Variants in IDE observed in about 807,000 individuals in gnomAD.
IDE encodes insulin degrading enzyme, also known as insulin-degrading enzyme.
A neutral mutation model predicts 133.2 loss-of-function variants in IDE; 58 were observed. The ratio of observed to expected loss-of-function variants is 0.44; its 90% CI spans 0.35 to 0.54. The LOEUF (loss-of-function observed/expected upper bound fraction) is 0.54, where lower values mean the gene tolerates loss of function less well. IDE is among the 20% of genes least tolerant of loss of function. The pLI is 0.00. For synonymous variants in IDE, 396 were observed against 421.3 expected (o/e 0.94, Z 0.73); for missense variants, 981 against 1,234.0 (o/e 0.79, Z 3.07).
At chr10:92,563,079 C>T (rs1843353484) in intron 1 of IDE, among the ~76,000 whole-genome samples, 1 of 152,114 alleles carries the variant, frequency 6.6e-6, no homozygotes, top group African/African-American at 2.4e-5. Context: ...GGTGAAACCA[C>T]GTCTCTACTA....
intron 9 of IDE, among the ~76,000 whole-genome samples, chr10:92,507,214 T>C (rs975752185): frequency 3.3e-5 from 5 of 152,096 alleles, no homozygotes; most frequent in Admixed American, 6.5e-5. Context: ...TTGCTACAGA[T>C]TTAAAGATCT....
In IDE at chr10:92,573,954, G is replaced by T. The variant is rs1323691568; in HGVS notation, c.66C>A (p.Gly22=). The change falls in exon 1 of 25, where the codon GGC becomes GGA. Residue 22 remains glycine, a synonymous_variant. Transcript: ENST00000265986. Reference sequence around the variant, plus strand: ...GGCGCTCCGGAGGCGGCAGGCGGGCGCCGAGGACTGAGCGGAAGGTGCTGG... The same window carrying T: ...GGCGCTCCGGAGGCGGCAGGCGGGCTCCGAGGACTGAGCGGAAGGTGCTGG... ...ALPSTFRSVL[G]ARLPPPERLC... The T allele has an allele frequency of 3.4e-6, 5 of 1,482,248 alleles. No individual in the cohort carries two copies. The South Asian group carries it at 6.6e-5, about 20-fold the overall frequency. 91.8% of individuals were successfully genotyped at this position (1,482,248 alleles called of 1,614,324 possible). A position where few individuals can be genotyped will look rare whatever the true frequency, so the allele number is the denominator to read the frequency against.
Position 92,465,795 on chromosome 10 carries a change from C to G in IDE, c.2369G>C (p.Gly790Ala). The change falls in exon 20 of 25, where the codon GGC (glycine) becomes GCC (alanine). Residue 790 changes from glycine (G) to alanine (A), a missense_variant. Around this residue, in one of 2 missense-constraint regions of IDE, gnomAD observed 660 missense variants for 894.7 expected, o/e 0.74. Coordinates refer to ENST00000265986, the MANE Select transcript of IDE (RefSeq NM_004969.4). ...QQRNEVHNNC[G>A]IEIYYQTDMQ... is the part of the protein sequence containing the mutation. ...GTCTGTTTGGTAGTATATCTCGATG[C>G]CACAGTTATTGTGAACTTCATTTCT... is the stretch of plus-strand genomic sequence containing the variant. The G allele has an allele frequency of 2.5e-6, 4 of 1,613,936 alleles. No individual in the cohort carries two copies. The highest frequency in any genetic ancestry group is 3.4e-6 in the Non-Finnish European group (4 of 1,179,874).
rs763346861 is a variant in IDE, at chr10:92,531,937, T to G, written c.492-20A>C. The G allele has an allele frequency of 1.4e-6, 2 of 1,459,780 alleles. No homozygotes were observed. The highest frequency in any genetic ancestry group is 3.1e-5 in the South Asian group (2 of 65,302). 90.4% of individuals were successfully genotyped at this position (1,459,780 alleles called of 1,614,324 possible). On this transcript the variant is annotated intron_variant, in intron 3 of 24. Transcript: ENST00000265986. ...GCAAACCTAAGGGTACGAAACATAA[T>G]TAAAACTTGAAAGATGTCATTTTAA...
chr10:92,528,136 A>G (rs1231668889), intron 4 of IDE, among the ~76,000 whole-genome samples: 2 of 152,180 alleles, frequency 1.3e-5, no homozygotes, highest in Non-Finnish European at 2.9e-5. Flanking sequence ...CTTCCTTTCC[A>G]TCTCTTATAA....
intron 14 of IDE, among the ~76,000 whole-genome samples, chr10:92,482,827 A>G (rs188809607): frequency 6.0e-5 from 9 of 150,610 alleles, no homozygotes; most frequent in South Asian, 2.1e-4. Context: ...TTTTTTTGAG[A>G]CAGAGTCTGG....
chr10:92,483,177 T>C (rs1948891725), intron 14 of IDE, 78 bp downstream of exon 14: 12 of 702,528 alleles, frequency 1.7e-5, no homozygotes, highest in Non-Finnish European at 2.7e-5. Context: ...GACATGGATG[T>C]TTAAGAAGAA....
intron 10 of IDE, 77 bp from the exon 11 acceptor site, chr10:92,504,974 T>C: frequency 4.4e-6 from 3 of 686,876 alleles, no homozygotes; most frequent in Non-Finnish European, 7.3e-6. Flanking sequence ...CTGTAACACA[T>C]TAAATTCATT....
intron 4 of IDE, among the ~76,000 whole-genome samples, chr10:92,524,889 T>C (rs929136630): frequency 3.3e-5 from 5 of 152,016 alleles, no homozygotes; most frequent in Non-Finnish European, 7.4e-5. Flanking sequence ...TACTCCAGCC[T>C]GGGCGAAAGA....
intron 13 of IDE, among the ~76,000 whole-genome samples, chr10:92,484,752 GA>G (rs1253286129): frequency 6.6e-6 from 1 of 151,450 alleles, no homozygotes; most frequent in African/African-American, 2.4e-5. Flanking sequence ...AAGAAAGAAA[GA>G]AAAAAAGAAA....
At chr10:92,540,231 C>T (rs899003267) in intron 1 of IDE, among the ~76,000 whole-genome samples, 16 of 148,520 alleles carry the variant, frequency 1.1e-4, no homozygotes, top group South Asian at 2.1e-4. Context: ...CGCAACAGAG[C>T]GAGACTCCGT....
intron 1 of IDE, among the ~76,000 whole-genome samples, chr10:92,562,726 G>A (rs1375658466): frequency 5.9e-5 from 9 of 152,056 alleles, no homozygotes; most frequent in Non-Finnish European, 1.2e-4. Flanking sequence ...GCCCAACAAT[G>A]GGAAGGGAGA....
intron 11 of IDE, among the ~76,000 whole-genome samples, chr10:92,499,983 T>C (rs1847918209): frequency 6.6e-6 from 1 of 152,146 alleles, no homozygotes; most frequent in South Asian, 2.1e-4. Context: ...TCAATTATGT[T>C]GATGCTCTTC....
At chr10:92,532,308 T>C (rs570366629) in intron 3 of IDE, among the ~76,000 whole-genome samples, 3 of 151,430 alleles carry the variant, frequency 2.0e-5, no homozygotes, top group East Asian at 1.9e-4. Context: ...AGGCAGGTCA[T>C]AGTTTTTAGG....
At chr10:92,507,482 A>C in intron 9 of IDE, 93 bp downstream of exon 9, 1 of 766,318 alleles carries the variant, frequency 1.3e-6, no homozygotes, top group Admixed American at 2.1e-5. Flanking sequence ...AAAACTTTAA[A>C]AGTTTAACTG....
At chr10:92,490,284 A>G (rs181930772) in intron 12 of IDE, among the ~76,000 whole-genome samples, 308 of 152,378 alleles carry the variant, frequency 2.0e-3, no homozygotes, top group Middle Eastern at 6.8e-3. Context: ...GTGGTTTGAT[A>G]GACACATGAG....
intron 17 of IDE, chr10:92,474,561 A>C: frequency 4.6e-6 from 1 of 219,096 alleles, no homozygotes. Context: ...TATAATGTAT[A>C]GTGATCACAT....
At position 92,470,349 on chromosome 10, in the gene IDE, C is replaced by A. The variant is rs1327700188; in HGVS notation, c.2117-4G>T. ...TTAAGGCGAGGAAGGGTTACATCTG[C>A]AAAGGTGTAAGAAGACATAGTGAGC... On this transcript the variant is annotated splice_polypyrimidine_tract_variant and splice_region_variant and intron_variant, in intron 17 of 24. Coordinates refer to ENST00000265986, the MANE Select transcript of IDE (RefSeq NM_004969.4). The A allele has an allele frequency of 1.3e-6, 2 of 1,584,944 alleles. No individual in the cohort carries two copies. The highest frequency in any genetic ancestry group is 8.6e-7 in the Non-Finnish European group (1 of 1,160,512).
At chr10:92,568,293 A>G (rs142872391) in intron 1 of IDE, among the ~76,000 whole-genome samples, 5 of 152,330 alleles carry the variant, frequency 3.3e-5, no homozygotes, top group South Asian at 2.1e-4. Context: ...GCAATGATCA[A>G]TATGATACCA....
Sources: gnomAD v4.1 joint callset for allele counts (sites outside exome capture counted in the v4.1 genomes callset) on GRCh38, gnomAD v4.1.1 for gene constraint, gnomAD v4.1.1 regional missense constraint, MANE v1.5 for transcripts, NCBI Gene and HGNC (gene_info 2026-07-23, HGNC 2026-07-21) for gene names.